Variants in CDH2 observed in about 807,000 individuals in gnomAD.
CDH2 encodes the protein cadherin-2.
In CDH2, 17 loss-of-function variants were observed where a neutral mutation model predicts 92.0. The observed-to-expected ratio is 0.18, with a 90% CI of 0.13 to 0.28. The LOEUF (loss-of-function observed/expected upper bound fraction) is 0.28, where lower values mean the gene tolerates loss of function less well. Ranked by LOEUF, CDH2 falls within the 10% of genes least tolerant of loss-of-function variation. The probability of loss-of-function intolerance (pLI) is 1.00; values close to 1 mark genes in which losing one functional copy is unlikely to be tolerated. For synonymous variants in CDH2, 419 were observed against 415.9 expected (o/e 1.01, Z -0.09); for missense variants, 862 against 1,133.1 (o/e 0.76, Z 3.44).
intron 2 of CDH2, among the ~76,000 whole-genome samples, chr18:28,128,411 C>T (rs1367533384): frequency 1.3e-5 from 2 of 152,100 alleles, no homozygotes; most frequent in Admixed American, 6.6e-5. Flanking sequence ...CTAGTGACTG[C>T]TGACAGGGCA....
chr18:27,958,697 C>T (rs1486551597), intron 15 of CDH2, among the ~76,000 whole-genome samples: 1 of 152,134 alleles, frequency 6.6e-6, no homozygotes, highest in African/African-American at 2.4e-5. Flanking sequence ...CCACCCAAAT[C>T]TCATCTTGAA....
intron 2 of CDH2, among the ~76,000 whole-genome samples, chr18:28,117,036 G>A (rs1372209442): frequency 1.3e-5 from 2 of 152,074 alleles, no homozygotes; most frequent in African/African-American, 2.4e-5. Flanking sequence ...AAATTACAAT[G>A]TATTTGAGAT....
chr18:28,028,246 G>C (rs1215498462), intron 2 of CDH2, among the ~76,000 whole-genome samples: 4 of 152,020 alleles, frequency 2.6e-5, no homozygotes, highest in Non-Finnish European at 5.9e-5. Context: ...AAACCATTGA[G>C]AACAAATGTG....
chr18:28,068,906 A>T (rs1599076032), intron 2 of CDH2, among the ~76,000 whole-genome samples: 1 of 152,188 alleles, frequency 6.6e-6, no homozygotes, highest in Non-Finnish European at 1.5e-5. Context: ...CATAGAGGAC[A>T]AGTCTCTACC....
At chr18:27,965,373 C>T (rs746428537) in intron 14 of CDH2, among the ~76,000 whole-genome samples, 1 of 152,184 alleles carries the variant, frequency 6.6e-6, no homozygotes, top group South Asian at 2.1e-4. Context: ...ATAGAGACTT[C>T]GAACCCGCCA....
intron 2 of CDH2, among the ~76,000 whole-genome samples, chr18:28,141,807 T>C (rs1464046908): frequency 2.0e-5 from 3 of 152,056 alleles, no homozygotes; most frequent in Non-Finnish European, 4.4e-5. Flanking sequence ...TGACCTCATC[T>C]GACCTCAGAC....
At chr18:28,167,710 C>T (rs1385098207) in intron 1 of CDH2, among the ~76,000 whole-genome samples, 1 of 152,044 alleles carries the variant, frequency 6.6e-6, no homozygotes, top group East Asian at 1.9e-4. Context: ...AGGCTGTCCA[C>T]TTCTATGTAT....
intron 2 of CDH2, among the ~76,000 whole-genome samples, chr18:28,025,467 G>A (rs1197318847): frequency 2.0e-5 from 3 of 150,836 alleles, no homozygotes; most frequent in African/African-American, 4.9e-5. Flanking sequence ...GCAGTGAGCC[G>A]AGATCACACC....
intron 2 of CDH2, among the ~76,000 whole-genome samples, chr18:28,039,326 AG>A (rs551573342): frequency 1.2e-4 from 19 of 152,244 alleles, no homozygotes; most frequent in African/African-American, 4.3e-4. Flanking sequence ...GGTGCTACAC[AG>A]GAACTCTGAT....
In CDH2 at chr18:27,982,690, C is replaced by T. The variant is rs183034028; in HGVS notation, c.2349+254G>A. ...ACTGTAAAGTATATTTATCATTACA[C>T]AGATATAACTAGAATTGGGTTTAAA... is the stretch of plus-strand genomic sequence containing the variant. On this transcript the variant is annotated intron_variant, in intron 14 of 15. Transcript: ENST00000269141. 2.5e-3 allele frequency among the ~76,000 whole-genome samples: 376 copies of T among 150,008 alleles called. 3 individuals are homozygous for T. Among genetic ancestry groups the T allele is most frequent in the Non-Finnish European group, 2.8e-3 (188 of 67,718 alleles).
chr18:28,140,996 T>C (rs2015944429), intron 2 of CDH2, among the ~76,000 whole-genome samples: 1 of 151,536 alleles, frequency 6.6e-6, no homozygotes, highest in South Asian at 2.1e-4. Context: ...CCTACTAGGA[T>C]ACAATCAAAA....
chr18:28,094,910 T>C (rs1231898092), intron 2 of CDH2, among the ~76,000 whole-genome samples: 1 of 152,030 alleles, frequency 6.6e-6, no homozygotes, highest in Non-Finnish European at 1.5e-5. Flanking sequence ...CCAGGCCAAT[T>C]TAACTCAAAA....
At chr18:28,123,298 C>T (rs2015622586) in intron 2 of CDH2, among the ~76,000 whole-genome samples, 1 of 152,108 alleles carries the variant, frequency 6.6e-6, no homozygotes. Flanking sequence ...GTTGACAGAT[C>T]ACCTCTCAGA....
intron 5 of CDH2, among the ~76,000 whole-genome samples, chr18:28,006,694 G>A (rs1380627599): frequency 6.7e-6 from 1 of 148,598 alleles, no homozygotes; most frequent in African/African-American, 2.5e-5. Flanking sequence ...CTCCAGCCTG[G>A]GTGACAGAGT....
Position 27,963,423 on chromosome 18 carries a change from G to A in CDH2, c.2448C>T (p.Ala816=), listed in dbSNP as rs1041985. Residue 816 remains alanine (A), a synonymous_variant, in exon 15 of 16, where the codon GCC becomes GCT. Coordinates refer to ENST00000269141, the MANE Select transcript of CDH2 (RefSeq NM_001792.5). ...CAGATCGGACCGGATACTGGGGCTC[G>A]GCGTGGATGGGTCTTTCATCCATTC... The part of the protein sequence containing the change: ...IRRMDERPIH[A]EPQYPVRSAA... 0.32 allele frequency: 510,881 copies of A among 1,612,960 alleles called. 83,389 individuals carry two copies. The highest frequency in any genetic ancestry group is 0.45 in the Admixed American group (26,789 of 59,978).
At chr18:28,019,513 T>C (rs2144052821) in intron 2 of CDH2, among the ~76,000 whole-genome samples, 1 of 152,140 alleles carries the variant, frequency 6.6e-6, no homozygotes, top group Non-Finnish European at 1.5e-5. Context: ...GTCACAGTGC[T>C]TGAGGGAGGA....
intron 11 of CDH2, among the ~76,000 whole-genome samples, chr18:27,987,195 T>A (rs889189845): frequency 6.6e-6 from 1 of 152,192 alleles, no homozygotes; most frequent in Non-Finnish European, 1.5e-5. Flanking sequence ...GATCTTAACA[T>A]AATGATTCAA....
At chr18:28,162,479 C>A (rs1280448409) in intron 1 of CDH2, among the ~76,000 whole-genome samples, 2 of 152,170 alleles carry the variant, frequency 1.3e-5, no homozygotes, top group Non-Finnish European at 2.9e-5. Context: ...CTCCGAGTCA[C>A]CACCAAGAAG....
In CDH2 at chr18:28,037,793, G is replaced by T. The variant is rs373191863; in HGVS notation, c.173-23884C>A. On this transcript the variant is annotated intron_variant, in intron 2 of 15. Transcript: ENST00000269141. Reference sequence around the variant, plus strand: ...ACAAACGACTCAACTTAAATATACAGGCTGAAATTACAAATGAAAACCTAA... The same window carrying T: ...ACAAACGACTCAACTTAAATATACATGCTGAAATTACAAATGAAAACCTAA... Among the ~76,000 whole-genome samples, 24 of 152,246 alleles carry T rather than the reference G, an allele frequency of 1.6e-4. No homozygotes were observed. In the South Asian group the frequency reaches 4.4e-3, roughly 28 times the overall value.
Sources: gnomAD v4.1 joint callset for allele counts (sites outside exome capture counted in the v4.1 genomes callset) on GRCh38, gnomAD v4.1.1 for gene constraint, MANE v1.5 for transcripts, NCBI Gene and HGNC (gene_info 2026-07-23, HGNC 2026-07-21) for gene names.